Variants in MAGI3 observed in about 807,000 individuals in gnomAD.
The protein encoded by MAGI3 is membrane associated guanylate kinase, WW and PDZ domain containing 3.
In MAGI3, 43 loss-of-function variants were observed where a neutral mutation model predicts 121.8. The ratio of observed to expected loss-of-function variants is 0.35; its 90% CI spans 0.28 to 0.46. The LOEUF (loss-of-function observed/expected upper bound fraction) is 0.46, where lower values mean the gene tolerates loss of function less well. Ranked by LOEUF, MAGI3 falls within the 20% of genes least tolerant of loss-of-function variation. The pLI is 1.00. For synonymous variants in MAGI3, 553 were observed against 639.3 expected (o/e 0.86, Z 2.04); for missense variants, 1,547 against 1,797.3 (o/e 0.86, Z 2.52).
chr1:113,521,350 A>T (rs1447257776), intron 1 of MAGI3, among the ~76,000 whole-genome samples: 4 of 148,154 alleles, frequency 2.7e-5, no homozygotes, highest in African/African-American at 5.0e-5. Flanking sequence ...CCTCCCAGAG[A>T]GCTGGGATTA....
chr1:113,457,581 T>C (rs1200782224), intron 1 of MAGI3, among the ~76,000 whole-genome samples: 1 of 152,076 alleles, frequency 6.6e-6, no homozygotes, highest in African/African-American at 2.4e-5. Flanking sequence ...TGACCGATAT[T>C]TGAGTACCTT....
chr1:113,445,252 A>T (rs1367976290), intron 1 of MAGI3, among the ~76,000 whole-genome samples: 1 of 152,146 alleles, frequency 6.6e-6, no homozygotes, highest in Non-Finnish European at 1.5e-5. Flanking sequence ...ACATCCAAAA[A>T]GTTCAATGAA....
At chr1:113,667,939 A>C (rs995057720) in intron 16 of MAGI3, among the ~76,000 whole-genome samples, 1 of 152,188 alleles carries the variant, frequency 6.6e-6, no homozygotes, top group East Asian at 1.9e-4. Context: ...TATGTTTGCC[A>C]TTTTATATGG....
chr1:113,410,267 T>A (rs749106061), intron 1 of MAGI3, among the ~76,000 whole-genome samples: 1 of 152,076 alleles, frequency 6.6e-6, no homozygotes, highest in Non-Finnish European at 1.5e-5. Context: ...AAGCCTCTTA[T>A]ATTAGAAGAA....
At position 113,392,670 on chromosome 1, in the gene MAGI3, G is replaced by T. The variant is rs572791393; in HGVS notation, c.316+1321G>T. Among the ~76,000 whole-genome samples, 4 of 152,272 alleles carry T rather than the reference G, an allele frequency of 2.6e-5. No individual in the cohort carries two copies. The South Asian group carries it at 8.3e-4, about 32-fold the overall frequency. ...CATCGTATTCATTTTAAGTGTATGG[G>T]TTTATGTGGTGAGGTTTTCTTTTTA... On this transcript the variant is annotated intron_variant, in intron 1 of 20. Transcript: ENST00000307546.
Position 113,588,543 on chromosome 1 carries a change from T to C in MAGI3, c.764-1941T>C, listed in dbSNP as rs115744788. Among the ~76,000 whole-genome samples the C allele has an allele frequency of 9.6e-3, 1,463 of 152,294 alleles. 27 individuals carry two copies. Among genetic ancestry groups the C allele is most frequent in the African/African-American group, 0.034 (1,402 of 41,556 alleles). On this transcript the variant is annotated intron_variant, in intron 4 of 20. Coordinates refer to ENST00000307546, the MANE Select transcript of MAGI3 (RefSeq NM_001142782.2). ...GGTTTTGATTCAAAGAGTAACATGG[T>C]ACAACAGTTTTTAACAGGCTTATTG...
rs2101247119 is a variant in MAGI3, at chr1:113,390,581, C to A, written c.-453C>A. 6.6e-6 allele frequency among the ~76,000 whole-genome samples: 1 copy of A among 152,196 alleles called. No individual in the cohort carries two copies. Among genetic ancestry groups the A allele is most frequent in the East Asian group, 1.9e-4 (1 of 5,144 alleles). ...AGCTCCGCAGCGGCCACGATCGATC[C>A]CGCGACGGGTCTACGCGCGCTTCTG... On this transcript the variant is annotated 5_prime_UTR_variant, in exon 1 of 21. Transcript: ENST00000307546.
At chr1:113,510,293 A>G (rs1171638050) in intron 1 of MAGI3, among the ~76,000 whole-genome samples, 2 of 152,070 alleles carry the variant, frequency 1.3e-5, no homozygotes, top group Admixed American at 1.3e-4. Flanking sequence ...AACATTATAC[A>G]TAAGAACAGT....
intron 2 of MAGI3, among the ~76,000 whole-genome samples, chr1:113,560,599 C>G (rs1354090120): frequency 6.6e-6 from 1 of 152,094 alleles, no homozygotes; most frequent in East Asian, 1.9e-4. Flanking sequence ...ATCAGAATCT[C>G]TGAGATACAG....
intron 1 of MAGI3, among the ~76,000 whole-genome samples, chr1:113,429,228 A>AT (rs1653176120): frequency 6.6e-6 from 1 of 152,230 alleles, no homozygotes; most frequent in Non-Finnish European, 1.5e-5. Flanking sequence ...ACTACTGTTT[A>AT]CATTGTTAGC....
intron 16 of MAGI3, among the ~76,000 whole-genome samples, chr1:113,661,303 A>G (rs1421285263): frequency 6.6e-6 from 1 of 152,264 alleles, no homozygotes; most frequent in African/African-American, 2.4e-5. Context: ...AATAGTATTT[A>G]ATAAGTGTGT....
At chr1:113,542,874 CTG>C (rs1246021758) in intron 1 of MAGI3, among the ~76,000 whole-genome samples, 2 of 152,094 alleles carry the variant, frequency 1.3e-5, no homozygotes, top group African/African-American at 2.4e-5. Flanking sequence ...GACAGATTGA[CTG>C]TGTTCACATC....
At chr1:113,638,790 A>C (rs1402896573) in intron 9 of MAGI3, among the ~76,000 whole-genome samples, 1 of 152,222 alleles carries the variant, frequency 6.6e-6, no homozygotes, top group Non-Finnish European at 1.5e-5. Flanking sequence ...TTAAGTCTGC[A>C]GAGGTTACTG....
At chr1:113,534,329 G>A (rs1293502445) in intron 1 of MAGI3, among the ~76,000 whole-genome samples, 1 of 152,180 alleles carries the variant, frequency 6.6e-6, no homozygotes, top group Non-Finnish European at 1.5e-5. Context: ...CTTCACCACA[G>A]AGTAATGCTC....
In MAGI3 at chr1:113,441,739, T is replaced by C. The variant is rs549697788; in HGVS notation, c.316+50390T>C. On this transcript the variant is annotated intron_variant, in intron 1 of 20. Transcript: ENST00000307546. Reference sequence around the variant, plus strand: ...AAAAGGCAGAAGCTAAGGACATGGATAATTAGTTGCCTGATTAGTCCCTCT... The same window carrying C: ...AAAAGGCAGAAGCTAAGGACATGGACAATTAGTTGCCTGATTAGTCCCTCT... Among the ~76,000 whole-genome samples the C allele has an allele frequency of 1.1e-4, 16 of 152,308 alleles. No homozygotes were observed. In the South Asian group the frequency reaches 2.7e-3, roughly 26 times the overall value.
chr1:113,443,063 A>C (rs1426222634), intron 1 of MAGI3, among the ~76,000 whole-genome samples: 3 of 152,180 alleles, frequency 2.0e-5, no homozygotes, highest in African/African-American at 4.8e-5. Flanking sequence ...ACTTAATGAG[A>C]TAGACCTAGG....
At chr1:113,467,186 A>G (rs1655327908) in intron 1 of MAGI3, among the ~76,000 whole-genome samples, 1 of 151,832 alleles carries the variant, frequency 6.6e-6, no homozygotes, top group Non-Finnish European at 1.5e-5. Flanking sequence ...TTTCTTCTTA[A>G]TTTCTTCATT....
chr1:113,488,391 A>T (rs985346003), intron 1 of MAGI3, among the ~76,000 whole-genome samples: 5 of 152,180 alleles, frequency 3.3e-5, no homozygotes, highest in African/African-American at 1.2e-4. Context: ...TGCCCATCAG[A>T]TGAGGCAGGT....
chr1:113,527,841 A>G (rs1042919807), intron 1 of MAGI3, among the ~76,000 whole-genome samples: 1 of 152,198 alleles, frequency 6.6e-6, no homozygotes, highest in East Asian at 1.9e-4. Context: ...TTAATATTGT[A>G]TTTACTAAGG....
Sources: allele counts gnomAD v4.1 joint callset (sites outside exome capture counted in the v4.1 genomes callset), GRCh38; gene constraint gnomAD v4.1.1; transcripts MANE v1.5; gene names NCBI Gene and HGNC (gene_info 2026-07-23, HGNC 2026-07-21).